ENTPD1: variants seen among roughly 807,000 people sequenced by gnomAD.
ENTPD1 encodes ectonucleoside triphosphate diphosphohydrolase 1.
A neutral mutation model predicts 57.0 loss-of-function variants in ENTPD1; 33 were observed. The ratio of observed to expected loss-of-function variants is 0.58; its 90% CI spans 0.44 to 0.77. The LOEUF is 0.77. Ranked by LOEUF, ENTPD1 falls within the 30% of genes least tolerant of loss-of-function variation. The probability of loss-of-function intolerance (pLI) is 0.00; values close to 1 mark genes in which losing one functional copy is unlikely to be tolerated. For synonymous variants in ENTPD1, 202 were observed against 218.8 expected (o/e 0.92, Z 0.68); for missense variants, 501 against 603.4 (o/e 0.83, Z 1.78).
At chr10:95,845,026 C>G (rs2098431676) in intron 5 of ENTPD1, among the ~76,000 whole-genome samples, 1 of 152,152 alleles carries the variant, frequency 6.6e-6, no homozygotes, top group Non-Finnish European at 1.5e-5. Flanking sequence ...TTTTAGAGCC[C>G]CATATCGATG....
upstream of ENTPD1, among the ~76,000 whole-genome samples, chr10:95,707,087 C>A (rs546605553): frequency 6.6e-6 from 1 of 152,306 alleles, no homozygotes; most frequent in East Asian, 1.9e-4. Flanking sequence ...TACCTGGGAG[C>A]TCCCGCCCTG....
intron 1 of ENTPD1, among the ~76,000 whole-genome samples, chr10:95,714,416 C>T (rs1197817874): frequency 1.3e-5 from 2 of 152,134 alleles, no homozygotes; most frequent in Non-Finnish European, 2.9e-5. Context: ...ATTAGTAATA[C>T]ATTACTTCTT....
In ENTPD1 at chr10:95,873,333, C is replaced by T. The variant is rs1156794224; in HGVS notation, c.*6950C>T. 1.0e-6 allele frequency: 1 copy of T among 985,338 alleles called. No individual in the cohort carries two copies. Among genetic ancestry groups the T allele is most frequent in the Admixed American group, 6.2e-5 (1 of 16,260 alleles). The allele number at this position is 985,338 out of a possible 1,614,324, so 61.0% of individuals were successfully genotyped here. ...AAGCTCACTCCTCTTATACAACAAT[C>T]CAAGTGTTTCTTTTGTCAGTTGTCT... On this transcript the variant is annotated 3_prime_UTR_variant, in exon 10 of 10. Coordinates refer to ENST00000371205, the MANE Select transcript of ENTPD1 (RefSeq NM_001776.6).
chr10:95,839,564 T>C (rs2098418282), intron 2 of ENTPD1, 127 bp from the exon 3 acceptor site: 1 of 918,028 alleles, frequency 1.1e-6, no homozygotes, highest in East Asian at 2.4e-5. Context: ...TCCAGTGCCA[T>C]CCCCTCAATG....
At chr10:95,769,436 A>G (rs1280697148) in intron 1 of ENTPD1, among the ~76,000 whole-genome samples, 2 of 152,244 alleles carry the variant, frequency 1.3e-5, no homozygotes, top group Non-Finnish European at 2.9e-5. Flanking sequence ...TTAAGTGTTT[A>G]AGAAACAACA....
the ENTPD1 span, among the ~76,000 whole-genome samples, chr10:95,697,373 C>T: frequency 6.6e-6 from 1 of 152,130 alleles, no homozygotes; most frequent in African/African-American, 2.4e-5. Context: ...TGGCTTCTGA[C>T]ATTTAGGAGG....
At chr10:95,812,485 C>T (rs1053708052) in intron 1 of ENTPD1, among the ~76,000 whole-genome samples, 1 of 152,268 alleles carries the variant, frequency 6.6e-6, no homozygotes, top group African/African-American at 2.4e-5. Context: ...TATACATTTG[C>T]CAGTTGCTAG....
chr10:95,738,437 G>C (rs1283302649), intron 1 of ENTPD1, among the ~76,000 whole-genome samples: 1 of 152,218 alleles, frequency 6.6e-6, no homozygotes, highest in Non-Finnish European at 1.5e-5. Context: ...GAGGCCCCTT[G>C]CTTGGCCAGA....
Position 95,873,241 on chromosome 10 carries a change from C to CACTACCTG in ENTPD1, c.*6864_*6871dup, listed in dbSNP as rs569602531. 701 of 985,370 alleles carry CACTACCTG rather than the reference C, an allele frequency of 7.1e-4. No homozygotes were observed. Among genetic ancestry groups the CACTACCTG allele is most frequent in the Non-Finnish European group, 7.8e-4 (647 of 829,922 alleles). 61.0% of individuals were successfully genotyped at this position (985,370 alleles called of 1,614,324 possible). A position where few individuals can be genotyped will look rare whatever the true frequency, so the allele number is the denominator to read the frequency against. The stretch of plus-strand genomic sequence containing the variant: ...ACAGGCTCTCAGATCAGTGTTCATC[C>CACTACCTG]ACTACCTGACTACTGTCATTCACAG... On this transcript the variant is annotated 3_prime_UTR_variant, in exon 10 of 10. Coordinates refer to ENST00000371205, the MANE Select transcript of ENTPD1 (RefSeq NM_001776.6).
intron 1 of ENTPD1, among the ~76,000 whole-genome samples, chr10:95,736,917 A>G (rs1403270550): frequency 1.3e-5 from 2 of 152,226 alleles, no homozygotes; most frequent in African/African-American, 4.8e-5. Context: ...ACTAAAAACA[A>G]TGCTATAATA....
intron 1 of ENTPD1, among the ~76,000 whole-genome samples, chr10:95,759,216 C>A (rs1361598557): frequency 6.6e-6 from 1 of 152,204 alleles, no homozygotes; most frequent in Non-Finnish European, 1.5e-5. Context: ...CCCACTGGTA[C>A]ATATAGATCT....
intron 8 of ENTPD1, among the ~76,000 whole-genome samples, chr10:95,862,671 T>C (rs1182609283): frequency 6.6e-6 from 1 of 152,156 alleles, no homozygotes; most frequent in Non-Finnish European, 1.5e-5. Flanking sequence ...GGCAGCTTCA[T>C]TAGAGGGCTA....
At chr10:95,762,853 T>C (rs934980557) in intron 1 of ENTPD1, among the ~76,000 whole-genome samples, 1 of 152,162 alleles carries the variant, frequency 6.6e-6, no homozygotes, top group African/African-American at 2.4e-5. Flanking sequence ...CTTTGGTGTT[T>C]TTGTTTTTAA....
chr10:95,807,394 G>A (rs924325374), intron 1 of ENTPD1, among the ~76,000 whole-genome samples: 7 of 152,208 alleles, frequency 4.6e-5, no homozygotes, highest in South Asian at 2.1e-4. Context: ...GGAGTGTCCC[G>A]TTTTCCAGGT....
chr10:95,799,575 C>G (rs2098240288), intron 1 of ENTPD1, among the ~76,000 whole-genome samples: 1 of 152,048 alleles, frequency 6.6e-6, no homozygotes, highest in Non-Finnish European at 1.5e-5. Flanking sequence ...TTCCGTGTCT[C>G]TGCTATTGTG....
intron 8 of ENTPD1, among the ~76,000 whole-genome samples, chr10:95,862,026 A>C (rs892452134): frequency 6.6e-6 from 1 of 151,910 alleles, no homozygotes; most frequent in African/African-American, 2.4e-5. Flanking sequence ...AAGTTCTGTC[A>C]GGTTTCCTCT....
intron 5 of ENTPD1, chr10:95,844,984 G>C: frequency 2.2e-6 from 1 of 464,654 alleles, no homozygotes; most frequent in Admixed American, 3.4e-5. Context: ...TTTATCCTTA[G>C]AACAACACTA....
chr10:95,764,228 A>G (rs1045833917), intron 1 of ENTPD1, among the ~76,000 whole-genome samples: 1 of 152,220 alleles, frequency 6.6e-6, no homozygotes, highest in African/African-American at 2.4e-5. Context: ...AGTTTTGCCA[A>G]TTCTGGACAT....
At chr10:95,815,686 C>T (rs1262267905) in intron 1 of ENTPD1, among the ~76,000 whole-genome samples, 1 of 152,134 alleles carries the variant, frequency 6.6e-6, no homozygotes, top group Non-Finnish European at 1.5e-5. Context: ...GAGTTACTGG[C>T]AGTGTATCCA....
Sources: allele counts gnomAD v4.1 joint callset (sites outside exome capture counted in the v4.1 genomes callset), GRCh38; gene constraint gnomAD v4.1.1; transcripts MANE v1.5; gene names NCBI Gene and HGNC (gene_info 2026-07-23, HGNC 2026-07-21).